Variants in CYP11A1 observed in about 807,000 individuals in gnomAD.
CYP11A1 encodes the protein cholesterol side-chain cleavage enzyme, mitochondrial.
CYP11A1 carries 25 observed loss-of-function variants against 51.9 expected under a neutral mutation model. The observed-to-expected ratio is 0.48, with a 90% CI of 0.35 to 0.67. The LOEUF (loss-of-function observed/expected upper bound fraction) is 0.67. Among genes scored for constraint, CYP11A1 ranks in the 30% least tolerant of loss-of-function variants. CYP11A1 has a pLI of 0.00. For missense variants in CYP11A1, 578 were observed against 680.9 expected (o/e 0.85, Z 1.68); for synonymous variants, 245 against 262.1 (o/e 0.93, Z 0.63).
intron 1 of CYP11A1, among the ~76,000 whole-genome samples, chr15:74,358,799 T>A (rs2060693582): frequency 6.6e-6 from 1 of 152,158 alleles, no homozygotes; most frequent in African/African-American, 2.4e-5. Context: ...CAGCCTTTAT[T>A]AGTCAAATCA....
rs2060627690 is a variant in CYP11A1, at chr15:74,345,250, A to G, written c.426-7T>C. 6.2e-7 allele frequency: 1 copy of G among 1,614,158 alleles called. No homozygotes were observed. The highest frequency in any genetic ancestry group is 8.5e-7 in the Non-Finnish European group (1 of 1,180,004). ...CTTCCAGGCTGCCGACTTCCTGAGA[A>G]AACATGGGCCCACAAGCCCTCATGG... On this transcript the variant is annotated splice_polypyrimidine_tract_variant and splice_region_variant and intron_variant, in intron 2 of 8. Transcript: ENST00000268053. This position sits in a 1 kb window ranked among gnomAD's most constrained non-coding sequence, Gnocchi z 4.3.
At chr15:74,349,529 G>A (rs905932380) in intron 1 of CYP11A1, among the ~76,000 whole-genome samples, 1 of 152,118 alleles carries the variant, frequency 6.6e-6, no homozygotes, top group African/African-American at 2.4e-5. Context: ...CAGCTACCAT[G>A]TGTCTTTGCA....
At position 74,339,624 on chromosome 15, in the gene CYP11A1, C is replaced by G; in HGVS notation, c.1120G>C (p.Val374Leu). The change falls in exon 6 of 9, where the codon GTC (valine) becomes CTC (leucine). Residue 374 changes from valine to leucine, a missense_variant. Physicochemically the swap from Val to Leu is conservative, Grantham distance 32 (BLOSUM62 1). Coordinates refer to ENST00000268053, the MANE Select transcript of CYP11A1 (RefSeq NM_000781.3). ...TTGATGCTGGCTTTGAGGAGGGGGA[C>G]CAGCTGTAGCATCGTGGCCATGTCT... is the stretch of plus-strand genomic sequence containing the variant. The part of the protein sequence containing the change: ...QGDMATMLQL[V>L]PLLKASIKET... The G allele has an allele frequency of 6.2e-7, 1 of 1,614,166 alleles. No individual in the cohort carries two copies. The highest frequency in any genetic ancestry group is 2.2e-5 in the East Asian group (1 of 44,882).
At chr15:74,367,185 A>T (rs949090889) in intron 1 of CYP11A1, 132 bp downstream of exon 1, 12 of 913,174 alleles carry the variant, frequency 1.3e-5, no homozygotes. Flanking sequence ...TACCAAAAAA[A>T]AAAAAAAAAA....
At chr15:74,358,646 C>T (rs2060692606) in intron 1 of CYP11A1, among the ~76,000 whole-genome samples, 1 of 152,208 alleles carries the variant, frequency 6.6e-6, no homozygotes, top group Non-Finnish European at 1.5e-5. Flanking sequence ...TAAAATACCT[C>T]TTGGTCTAGG....
intron 1 of CYP11A1, chr15:74,366,276 GAT>G: frequency 6.8e-6 from 5 of 734,766 alleles, no homozygotes; most frequent in Non-Finnish European, 8.1e-6. Flanking sequence ...TCCCTCCCCC[GAT>G]TTTTTTTTTT....
rs762145358 is a variant in CYP11A1 at position 74,339,648 on chromosome 15, C to A, written c.1096G>T (p.Asp366Tyr). 6.2e-7 allele frequency: 1 copy of A among 1,614,172 alleles called. No individual in the cohort carries two copies. Among genetic ancestry groups the A allele is most frequent in the South Asian group, 1.1e-5 (1 of 91,086 alleles). ...VLAARHQAQG[D>Y]MATMLQLVPL... is the part of the protein sequence containing the mutation. Reference sequence around the variant, plus strand: ...ACCAGCTGTAGCATCGTGGCCATGTCTCCCTGGGCCTGGTGCCGCGCAGCC... The same window carrying A: ...ACCAGCTGTAGCATCGTGGCCATGTATCCCTGGGCCTGGTGCCGCGCAGCC... The change falls in exon 6 of 9, where the codon GAC (aspartate) becomes TAC (tyrosine). Residue 366 changes from aspartate (D) to tyrosine (Y), a missense_variant. Coordinates refer to ENST00000268053, the MANE Select transcript of CYP11A1 (RefSeq NM_000781.3).
At position 74,339,189 on chromosome 15, in the gene CYP11A1, C is replaced by G. The variant is rs1395454212; in HGVS notation, c.1236+48G>C. 2.6e-6 allele frequency: 4 copies of G among 1,520,582 alleles called. No homozygotes were observed. The South Asian group carries it at 3.4e-5, about 13-fold the overall frequency. The allele number at this position is 1,520,582 out of a possible 1,614,324, so 94.2% of individuals were successfully genotyped here. A position where few individuals can be genotyped will look rare whatever the true frequency, so the allele number is the denominator to read the frequency against. On this transcript the variant is annotated intron_variant, in intron 7 of 8. Transcript: ENST00000268053. ...CCTCTGTCTGCAATTCCAGCCTGCC[C>G]CAGCCCTCTCTGACTGGCAGAGCCT... is the stretch of plus-strand genomic sequence containing the variant.
chr15:74,359,066 C>T (rs2060694909), intron 1 of CYP11A1, among the ~76,000 whole-genome samples: 1 of 152,188 alleles, frequency 6.6e-6, no homozygotes, highest in Non-Finnish European at 1.5e-5. Flanking sequence ...TCCTTTAATA[C>T]CTGTTTTTCT....
At chr15:74,340,415 CA>C (rs897655156) in intron 5 of CYP11A1, among the ~76,000 whole-genome samples, 1 of 152,164 alleles carries the variant, frequency 6.6e-6, no homozygotes, top group Non-Finnish European at 1.5e-5. Context: ...TCAATGATGA[CA>C]AACCAGGCCC....
Position 74,367,606 on chromosome 15 carries a change from T to G in CYP11A1, c.-21A>C. 1 of 1,611,852 alleles carries G rather than the reference T, an allele frequency of 6.2e-7. No individual in the cohort carries two copies. Among genetic ancestry groups the G allele is most frequent in the South Asian group, 1.1e-5 (1 of 90,800 alleles). On this transcript the variant is annotated 5_prime_UTR_variant, in exon 1 of 9. Coordinates refer to ENST00000268053, the MANE Select transcript of CYP11A1 (RefSeq NM_000781.3). ...AGCATGCTGTCCCCACAGCTGTGACTGTACCTGCTCCACTTCAGCGGGGAC... is the reference window on the plus strand; with the variant it reads ...AGCATGCTGTCCCCACAGCTGTGACGGTACCTGCTCCACTTCAGCGGGGAC...
chr15:74,355,782 G>A (rs559451093), intron 1 of CYP11A1, among the ~76,000 whole-genome samples: 15 of 152,202 alleles, frequency 9.9e-5, no homozygotes, highest in South Asian at 2.1e-4. Context: ...TTCTTTATCC[G>A]AACTCTCCCA....
chr15:74,347,962 G>A lies in CYP11A1; in HGVS notation c.363C>T (p.Phe121=), dbSNP rs976204316. 6.2e-6 allele frequency: 10 copies of A among 1,614,182 alleles called. No individual in the cohort carries two copies. The highest frequency in any genetic ancestry group is 7.6e-6 in the Non-Finnish European group (9 of 1,180,032). The change falls in exon 2 of 9, where the codon TTC becomes TTT. Residue 121 remains phenylalanine (F), a synonymous_variant. Coordinates refer to ENST00000268053, the MANE Select transcript of CYP11A1 (RefSeq NM_000781.3). ...GATAGGCGACCCAGGGCGGGATGAG[G>A]AATCGTTCTGGGTTGGGGCCCTCGG... The part of the protein sequence containing the change: ...FKSEGPNPER[F]LIPPWVAYHQ...
intron 1 of CYP11A1, chr15:74,361,722 C>A: frequency 7.9e-7 from 1 of 1,258,886 alleles, no homozygotes; most frequent in South Asian, 1.2e-5. Context: ...CATAATTATT[C>A]CAGGATTTAT....
At chr15:74,361,826 T>C in intron 1 of CYP11A1, 1 of 1,177,254 alleles carries the variant, frequency 8.5e-7, no homozygotes, top group Non-Finnish European at 1.3e-6. Context: ...TCCTAAGGCA[T>C]ACACGTCCTG....
chr15:74,353,045 T>C (rs1055126691), intron 1 of CYP11A1, among the ~76,000 whole-genome samples: 2 of 152,234 alleles, frequency 1.3e-5, no homozygotes, highest in Non-Finnish European at 2.9e-5. Flanking sequence ...TCTTGCTTTT[T>C]AGGGTTTCAC....
At chr15:74,339,851 C>T (rs925615155) in intron 5 of CYP11A1, 98 bp from the exon 6 acceptor site, 21 of 1,189,312 alleles carry the variant, frequency 1.8e-5, no homozygotes, top group Non-Finnish European at 2.4e-5. Flanking sequence ...TTCCAAGAAC[C>T]TCTTTCTCCC....
intron 1 of CYP11A1, among the ~76,000 whole-genome samples, chr15:74,357,141 C>T (rs2141243217): frequency 6.6e-6 from 1 of 152,298 alleles, no homozygotes; most frequent in African/African-American, 2.4e-5. Flanking sequence ...ATCCTCCATA[C>T]CTCCCTCCAC....
chr15:74,361,773 G>A, intron 1 of CYP11A1: 3 of 1,244,722 alleles, frequency 2.4e-6, no homozygotes, highest in Non-Finnish European at 3.5e-6. Context: ...TGGCACTGGT[G>A]GCAAGTCCAT....
Sources: allele counts gnomAD v4.1 joint callset (sites outside exome capture counted in the v4.1 genomes callset), GRCh38; gene constraint gnomAD v4.1.1; non-coding constraint Gnocchi (gnomAD v3.1); transcripts MANE v1.5; gene names NCBI Gene and HGNC (gene_info 2026-07-23, HGNC 2026-07-21).